Variants in ZNF44 observed in about 807,000 individuals in gnomAD.
ZNF44 encodes the protein zinc finger protein 44.
Under a neutral mutation model 11.7 loss-of-function variants are expected in ZNF44, and 9 were observed. That is an observed-to-expected ratio of 0.77 (90% CI 0.46 to 1.35). The LOEUF (loss-of-function observed/expected upper bound fraction) is 1.35. Among genes scored for constraint, ZNF44 ranks in the 40% most tolerant of loss-of-function variants. The pLI is 0.00. For missense variants in ZNF44, 696 were observed against 743.1 expected, an observed-to-expected ratio of 0.94 and a Z score of 0.74; for synonymous variants, 224 against 242.7, an observed-to-expected ratio of 0.92 and a Z score of 0.72.
At chr19:12,283,501 T>C (rs944048579) in intron 1 of ZNF44, among the ~76,000 whole-genome samples, 2 of 151,956 alleles carry the variant, frequency 1.3e-5, no homozygotes, top group African/African-American at 4.8e-5. Flanking sequence ...GCTAATTTTT[T>C]TGTATTTTTA....
chr19:12,272,637 C>T lies in ZNF44; in HGVS notation c.1618G>A (p.Ala540Thr), dbSNP rs985339571. ...AGAAGGAAAGAGGGCCAAAAGAATG[C>T]TTTCCTGCATTGCTTACATTCATAT... ...KPYECKQCRK[A>T]FFWPSFLLRH... Residue 540 changes from alanine to threonine, a missense_variant, in exon 4 of 4, where the codon GCA becomes ACA. Transcript: ENST00000355684. 1.2e-6 allele frequency: 2 copies of T among 1,613,276 alleles called. No homozygotes were observed. Among genetic ancestry groups the T allele is most frequent in the Non-Finnish European group, 1.7e-6 (2 of 1,179,736 alleles).
downstream of ZNF44, among the ~76,000 whole-genome samples, chr19:12,243,807 T>C: frequency 6.6e-6 from 1 of 152,190 alleles, no homozygotes; most frequent in East Asian, 1.9e-4. Flanking sequence ...AGCTTCCTTT[T>C]TCTCTGTACT....
At position 12,272,347 on chromosome 19, in the gene ZNF44, A is replaced by C. The variant is rs1052042227; in HGVS notation, c.*60T>G. ...TACCACGTTTACATTCACAGGATTTATTTCTTTCAAGTATCTGAATGTGAT... is the reference window on the plus strand; with the variant it reads ...TACCACGTTTACATTCACAGGATTTCTTTCTTTCAAGTATCTGAATGTGAT... On this transcript the variant is annotated 3_prime_UTR_variant, in exon 4 of 4. Transcript: ENST00000355684. 1.7e-5 allele frequency: 25 copies of C among 1,452,562 alleles called. No individual in the cohort carries two copies. The highest frequency in any genetic ancestry group is 2.2e-5 in the Non-Finnish European group (24 of 1,102,630). 90.0% of individuals were successfully genotyped at this position (1,452,562 alleles called of 1,614,324 possible).
intron 2 of ZNF44, among the ~76,000 whole-genome samples, chr19:12,233,550 CAAA>C (rs58060175): frequency 0.013 from 1,073 of 80,858 alleles, 13 homozygotes; most frequent in African/African-American, 0.041. Flanking sequence ...ACCCATACAT[CAAA>C]AAAAAAAAAA....
chr19:12,258,430 T>C (rs1917359915), intron 5 of ZNF44, among the ~76,000 whole-genome samples: 1 of 151,660 alleles, frequency 6.6e-6, no homozygotes, highest in Non-Finnish European at 1.5e-5. Flanking sequence ...CTGTCAATCC[T>C]TCAAGGCCCA....
intron 5 of ZNF44, among the ~76,000 whole-genome samples, chr19:12,256,254 G>A (rs1917253287): frequency 6.6e-6 from 1 of 151,936 alleles, no homozygotes; most frequent in South Asian, 2.1e-4. Flanking sequence ...GAATCTGAAA[G>A]ATATTATGAT....
chr19:12,285,206 A>C (rs575832217), intron 1 of ZNF44: 2 of 451,088 alleles, frequency 4.4e-6, no homozygotes, highest in Non-Finnish European at 7.9e-6. Context: ...CAAGAAAAAT[A>C]AAGTAAATTA....
downstream of ZNF44, among the ~76,000 whole-genome samples, chr19:12,268,061 T>G (rs760461758): frequency 1.3e-5 from 2 of 151,418 alleles, no homozygotes; most frequent in Non-Finnish European, 2.9e-5. Flanking sequence ...AGTCTCAAAC[T>G]CCTAACCTCA....
chr19:12,233,357 T>C (rs1916237302), intron 2 of ZNF44, among the ~76,000 whole-genome samples: 1 of 152,206 alleles, frequency 6.6e-6, no homozygotes, highest in South Asian at 2.1e-4. Context: ...AAAATAAACC[T>C]GTCTTTAACC....
In ZNF44 at chr19:12,294,819, C is replaced by A; in HGVS notation, c.-125G>T. 2 of 1,188,350 alleles carry A rather than the reference C, an allele frequency of 1.7e-6. No homozygotes were observed. Among genetic ancestry groups the A allele is most frequent in the African/African-American group, 1.6e-5 (1 of 61,208 alleles). 73.6% of individuals were successfully genotyped at this position (1,188,350 alleles called of 1,614,324 possible). ...TGACAGAATACGGAACAGAGGTCACCAGGGTGAAGAGGCCACTAGCTCCTG... is the reference window on the plus strand; with the variant it reads ...TGACAGAATACGGAACAGAGGTCACAAGGGTGAAGAGGCCACTAGCTCCTG... On this transcript the variant is annotated 5_prime_UTR_variant, in exon 1 of 4. Coordinates refer to ENST00000355684, the MANE Select transcript of ZNF44 (RefSeq NM_016264.4).
At position 12,231,860 on chromosome 19, in the gene ZNF44, C is replaced by A. The variant is rs74987468; in HGVS notation, n.381-1345G>T. Among the ~76,000 whole-genome samples the A allele has an allele frequency of 8.4e-3, 1,285 of 152,276 alleles. 16 individuals carry two copies. The highest frequency in any genetic ancestry group is 0.03 in the African/African-American group (1,233 of 41,536). On this transcript the variant is annotated intron_variant and non_coding_transcript_variant, in intron 2 of 3. Coordinates refer to the ZNF44 transcript ENST00000597563. The stretch of plus-strand genomic sequence containing the variant: ...TGAAGGGGTGGGTTGCCCCTCCACA[C>A]CTGTGGGTGTTTCTCGTTAGGTGGA...
downstream of ZNF44, among the ~76,000 whole-genome samples, chr19:12,267,233 G>A (rs1449011897): frequency 2.0e-5 from 3 of 151,676 alleles, no homozygotes; most frequent in Non-Finnish European, 4.4e-5. Context: ...TAGTAGAGAC[G>A]GAGTTTCACC....
At chr19:12,274,134 T>C (rs1967109131) in intron 3 of ZNF44, 71 bp from the exon 4 acceptor site, 3 of 1,376,798 alleles carry the variant, frequency 2.2e-6, no homozygotes, top group Non-Finnish European at 3.0e-6. Flanking sequence ...GTATTAGATT[T>C]ACATTTTTAA....
At chr19:12,243,632 G>C (rs904763171), downstream of ZNF44, among the ~76,000 whole-genome samples, 1 of 152,142 alleles carries the variant, frequency 6.6e-6, no homozygotes, top group African/African-American at 2.4e-5. Context: ...ATATGCGAGT[G>C]GCAGATATCT....
chr19:12,250,587 C>G (rs894758400), intron 5 of ZNF44, among the ~76,000 whole-genome samples: 13 of 152,204 alleles, frequency 8.5e-5, no homozygotes. Context: ...AATCATATTG[C>G]TTTCCAATGG....
intron 5 of ZNF44, among the ~76,000 whole-genome samples, chr19:12,256,706 T>TC (rs1555737684): frequency 2.7e-5 from 4 of 146,302 alleles, no homozygotes; most frequent in African/African-American, 7.6e-5. Flanking sequence ...TCTTTTTTTT[T>TC]TTTTTTTTTT....
chr19:12,291,346 C>A, intron 1 of ZNF44: 3 of 416,700 alleles, frequency 7.2e-6, no homozygotes, highest in Admixed American at 3.0e-5. Context: ...TTTTCTGCAG[C>A]CAAAATGGAA....
chr19:12,263,721 C>G (rs1037658989), intron 5 of ZNF44, among the ~76,000 whole-genome samples: 4 of 151,582 alleles, frequency 2.6e-5, no homozygotes, highest in African/African-American at 9.7e-5. Context: ...GTCAGGAGAT[C>G]GAGACCATCC....
At chr19:12,291,575 G>A (rs991118984) in intron 1 of ZNF44, among the ~76,000 whole-genome samples, 6 of 152,054 alleles carry the variant, frequency 3.9e-5, no homozygotes, top group Non-Finnish European at 8.8e-5. Flanking sequence ...GCGCACGCCT[G>A]TAGTCGCAGC....
Sources: gnomAD v4.1 joint callset for allele counts (sites outside exome capture counted in the v4.1 genomes callset) on GRCh38, gnomAD v4.1.1 for gene constraint, MANE v1.5 for transcripts, NCBI Gene and HGNC (gene_info 2026-07-23, HGNC 2026-07-21) for gene names.